Variants in LAPTM4B observed in about 807,000 individuals in gnomAD.
LAPTM4B encodes the protein lysosomal-associated transmembrane protein 4B.
LAPTM4B carries 26 observed loss-of-function variants against 28.5 expected under a neutral mutation model. That is an observed-to-expected ratio of 0.91 (90% CI 0.67 to 1.27). The LOEUF is 1.27. LAPTM4B is among the 50% of genes most tolerant of loss of function. The pLI is 0.00. For synonymous variants in LAPTM4B, 109 were observed against 106.4 expected, an observed-to-expected ratio of 1.02 and a Z score of -0.15; for missense variants, 288 against 285.8, an observed-to-expected ratio of 1.01 and a Z score of -0.06.
Position 97,839,013 on chromosome 8 carries a change from A to G in LAPTM4B, c.604-12384A>G, listed in dbSNP as rs74576507. ...CATATGCGCATACAGCTTCAGATAG[A>G]CTTACCTGTTGGTTCCAATATCAAA... is the stretch of plus-strand genomic sequence containing the variant. On this transcript the variant is annotated intron_variant, in intron 6 of 6. Transcript: ENST00000521545. 8.2e-3 allele frequency among the ~76,000 whole-genome samples: 1,250 copies of G among 152,228 alleles called. 18 individuals are homozygous for G. Among genetic ancestry groups the G allele is most frequent in the Non-Finnish European group, 0.012 (820 of 68,018 alleles).
At chr8:97,823,520 A>G (rs1418112368) in intron 5 of LAPTM4B, among the ~76,000 whole-genome samples, 2 of 150,734 alleles carry the variant, frequency 1.3e-5, no homozygotes, top group Non-Finnish European at 3.0e-5. Flanking sequence ...GATTACAGGC[A>G]TGCATCCCAA....
intron 6 of LAPTM4B, among the ~76,000 whole-genome samples, chr8:97,833,180 A>G (rs1236000905): frequency 2.0e-5 from 3 of 151,928 alleles, no homozygotes; most frequent in Non-Finnish European, 4.4e-5. Context: ...CTAAAAATAG[A>G]AAAGTTAGCC....
intron 6 of LAPTM4B, 26 bp from the exon 7 acceptor site, chr8:97,851,371 C>G: frequency 6.5e-7 from 1 of 1,546,852 alleles, no homozygotes. Flanking sequence ...CAAACATTAA[C>G]TCTTGCCGTC....
At chr8:97,835,046 C>T (rs1471731266) in intron 6 of LAPTM4B, among the ~76,000 whole-genome samples, 1 of 152,204 alleles carries the variant, frequency 6.6e-6, no homozygotes, top group Admixed American at 6.5e-5. Context: ...TTGGAATGAT[C>T]TAGATCTGTC....
At chr8:97,811,040 G>A (rs897062625) in intron 2 of LAPTM4B, among the ~76,000 whole-genome samples, 1 of 152,160 alleles carries the variant, frequency 6.6e-6, no homozygotes, top group Non-Finnish European at 1.5e-5. Flanking sequence ...ATAGGGAATT[G>A]CAAATTACAG....
At chr8:97,801,252 C>A (rs1816674750) in intron 1 of LAPTM4B, among the ~76,000 whole-genome samples, 1 of 150,250 alleles carries the variant, frequency 6.7e-6, no homozygotes, top group Admixed American at 6.7e-5. Context: ...CATCTCAGCT[C>A]ACTGCCATCT....
chr8:97,809,229 T>C (rs1160502231), intron 2 of LAPTM4B, among the ~76,000 whole-genome samples: 2 of 152,228 alleles, frequency 1.3e-5, no homozygotes, highest in Non-Finnish European at 2.9e-5. Context: ...CATAGCATTA[T>C]CATTTACAAC....
intron 3 of LAPTM4B, among the ~76,000 whole-genome samples, chr8:97,815,812 C>G (rs1341409152): frequency 6.6e-6 from 1 of 152,102 alleles, no homozygotes; most frequent in Non-Finnish European, 1.5e-5. Flanking sequence ...AAGTGATCCA[C>G]CCACCTCAGC....
chr8:97,825,853 C>T (rs1326295401), intron 6 of LAPTM4B, among the ~76,000 whole-genome samples: 1 of 152,158 alleles, frequency 6.6e-6, no homozygotes, highest in African/African-American at 2.4e-5. Flanking sequence ...GTGCTCCATG[C>T]ATGGTTAGTG....
rs1816744454 is a variant in LAPTM4B at position 97,805,416 on chromosome 8, T to G, written c.163T>G (p.Phe55Val). Reference protein sequence around the residue: ...SALADPDQYNFSSSELGGDFE... With the variant: ...SALADPDQYNVSSSELGGDFE... ...CCTGGCTGATCCGGATCAGTATAAC[T>G]TTTCAAGTTCTGAACTGGGAGGTGA... Residue 55 changes from phenylalanine (F) to valine (V), a missense_variant, in exon 2 of 7, where the codon TTT becomes GTT. By Grantham distance (50) the Phe-to-Val change is conservative. Coordinates refer to ENST00000521545, the MANE Select transcript of LAPTM4B (RefSeq NM_018407.6). 1 of 1,610,584 alleles carries G rather than the reference T, an allele frequency of 6.2e-7. No homozygotes were observed. Among genetic ancestry groups the G allele is most frequent in the African/African-American group, 1.3e-5 (1 of 74,398 alleles).
chr8:97,828,508 G>A (rs1817128792), intron 6 of LAPTM4B, among the ~76,000 whole-genome samples: 1 of 152,164 alleles, frequency 6.6e-6, no homozygotes, highest in Admixed American at 6.5e-5. Context: ...GCTAGAGAAT[G>A]GCCAAGTAGG....
chr8:97,792,768 G>C (rs952862474), intron 1 of LAPTM4B, among the ~76,000 whole-genome samples: 10 of 151,728 alleles, frequency 6.6e-5, no homozygotes, highest in African/African-American at 2.4e-4. Context: ...AGTAGAGAGA[G>C]GATTTCACCA....
intron 1 of LAPTM4B, among the ~76,000 whole-genome samples, chr8:97,796,832 C>T (rs1816592521): frequency 6.6e-6 from 1 of 152,110 alleles, no homozygotes; most frequent in Non-Finnish European, 1.5e-5. Flanking sequence ...CCCAGCTACT[C>T]AGGAGGCTGA....
intron 6 of LAPTM4B, among the ~76,000 whole-genome samples, chr8:97,843,281 G>T (rs1817379905): frequency 6.6e-6 from 1 of 152,024 alleles, no homozygotes; most frequent in Non-Finnish European, 1.5e-5. Context: ...CAAAAAATTA[G>T]CTGGCTATGG....
intron 6 of LAPTM4B, among the ~76,000 whole-genome samples, chr8:97,833,055 C>T (rs1265430365): frequency 6.6e-6 from 1 of 151,402 alleles, no homozygotes; most frequent in Non-Finnish European, 1.5e-5. Flanking sequence ...AAAATGGGGC[C>T]AGGCACAGTG....
intron 1 of LAPTM4B, among the ~76,000 whole-genome samples, chr8:97,787,954 C>T (rs923120295): frequency 2.0e-5 from 3 of 152,170 alleles, no homozygotes; most frequent in African/African-American, 7.2e-5. Flanking sequence ...CTGCGCCAGC[C>T]TCCCAAGTAG....
intron 1 of LAPTM4B, among the ~76,000 whole-genome samples, chr8:97,784,693 C>A (rs369026383): frequency 4.9e-4 from 75 of 152,302 alleles, no homozygotes; most frequent in African/African-American, 1.8e-3. Flanking sequence ...CCACCTCAGC[C>A]TCCCAAAGTG....
intron 6 of LAPTM4B, among the ~76,000 whole-genome samples, chr8:97,849,791 C>T (rs1563625475): frequency 6.6e-6 from 1 of 151,368 alleles, no homozygotes; most frequent in African/African-American, 2.4e-5. Flanking sequence ...GGAAAGCCGC[C>T]ACCCCCCCTC....
At chr8:97,779,551 G>A (rs1427982983) in intron 1 of LAPTM4B, among the ~76,000 whole-genome samples, 1 of 151,978 alleles carries the variant, frequency 6.6e-6, no homozygotes, top group African/African-American at 2.4e-5. Context: ...TTGGGCGGCC[G>A]AGGTAGGCGG....
Sources: allele counts gnomAD v4.1 joint callset (sites outside exome capture counted in the v4.1 genomes callset), GRCh38; gene constraint gnomAD v4.1.1; transcripts MANE v1.5; gene names NCBI Gene and HGNC (gene_info 2026-07-23, HGNC 2026-07-21).